Variants in GNAI1 observed in about 807,000 individuals in gnomAD.
The protein encoded by GNAI1 is guanine nucleotide-binding protein G(i) subunit alpha-1.
A neutral mutation model predicts 38.9 loss-of-function variants in GNAI1; 11 were observed. That is an observed-to-expected ratio of 0.28 (90% CI 0.18 to 0.47). The LOEUF (loss-of-function observed/expected upper bound fraction) is 0.47, where lower values mean the gene tolerates loss of function less well. GNAI1 is among the 20% of genes least tolerant of loss of function. The probability of loss-of-function intolerance (pLI) is 0.99; values close to 1 mark genes in which losing one functional copy is unlikely to be tolerated. For synonymous variants in GNAI1, 166 were observed against 145.1 expected (o/e 1.14, Z -1.04); for missense variants, 317 against 436.9 (o/e 0.73, Z 2.45).
At chr7:80,137,960 C>A (rs897757992) in intron 1 of GNAI1, among the ~76,000 whole-genome samples, 1 of 152,100 alleles carries the variant, frequency 6.6e-6, no homozygotes, top group Non-Finnish European at 1.5e-5. Context: ...CCTTTTGGTT[C>A]TTTTTTGAAT....
At chr7:80,193,741 T>C (rs1169075826) in intron 3 of GNAI1, among the ~76,000 whole-genome samples, 3 of 152,200 alleles carry the variant, frequency 2.0e-5, no homozygotes, top group South Asian at 4.1e-4. Flanking sequence ...GACAGAGTAA[T>C]TTATATGTTC....
chr7:80,184,568 C>G (rs1314475949), intron 1 of GNAI1, among the ~76,000 whole-genome samples: 3 of 152,204 alleles, frequency 2.0e-5, no homozygotes, highest in African/African-American at 7.2e-5. Context: ...AATGTGCATG[C>G]TTGAGCTCAC....
chr7:80,153,521 T>C (rs1428120881), intron 1 of GNAI1, among the ~76,000 whole-genome samples: 1 of 152,196 alleles, frequency 6.6e-6, no homozygotes, highest in Non-Finnish European at 1.5e-5. Flanking sequence ...AGGTGGTTAA[T>C]AAGACACAGG....
At chr7:80,190,425 A>T (rs546908018) in intron 3 of GNAI1, among the ~76,000 whole-genome samples, 1 of 152,100 alleles carries the variant, frequency 6.6e-6, no homozygotes, top group Non-Finnish European at 1.5e-5. Context: ...TTTGAGCTCA[A>T]AAAGCATTTG....
At chr7:80,217,219 T>TTCATATGTATGAAACTGACTTCAGTG in intron 7 of GNAI1, 84 bp from the exon 8 acceptor site, 3 of 891,758 alleles carry the variant, frequency 3.4e-6, no homozygotes, top group African/African-American at 1.7e-5. Flanking sequence ...TGACTTCAGT[T>TTCATATGTATGAAACTGACTTCAGTG]TCATATGTAT....
At position 80,212,933 on chromosome 7, in the gene GNAI1, G is replaced by A. The variant is rs577226300; in HGVS notation, c.874+64G>A. Reference sequence around the variant, plus strand: ...ATTTCTAAGTGAAACTTCCCCTAAGGCAAGAATTCAGTTGTTAATTTAAAT... The same window carrying A: ...ATTTCTAAGTGAAACTTCCCCTAAGACAAGAATTCAGTTGTTAATTTAAAT... On this transcript the variant is annotated intron_variant, in intron 7 of 7. Coordinates refer to ENST00000649796, the MANE Select transcript of GNAI1 (RefSeq NM_002069.6). The A allele has an allele frequency of 4.7e-6, 5 of 1,067,594 alleles. No individual in the cohort carries two copies. The South Asian group carries it at 7.9e-5, about 17-fold the overall frequency. 66.1% of individuals were successfully genotyped at this position (1,067,594 alleles called of 1,614,324 possible).
intron 1 of GNAI1, among the ~76,000 whole-genome samples, chr7:80,166,770 G>A (rs1788016177): frequency 6.6e-6 from 1 of 152,208 alleles, no homozygotes; most frequent in Admixed American, 6.5e-5. Flanking sequence ...GATTGGGGAT[G>A]AAATGTTACA....
intron 3 of GNAI1, 74 bp from the exon 4 acceptor site, chr7:80,199,151 T>C: frequency 9.6e-7 from 1 of 1,036,716 alleles, no homozygotes; most frequent in Non-Finnish European, 1.4e-6. Flanking sequence ...TTTTTAACTC[T>C]AGAATTGTCT....
intron 1 of GNAI1, among the ~76,000 whole-genome samples, chr7:80,173,702 G>A (rs1279381468): frequency 6.6e-6 from 1 of 152,130 alleles, no homozygotes; most frequent in Non-Finnish European, 1.5e-5. Flanking sequence ...CAGAGGTGAT[G>A]GCTTCCTGGT....
intron 1 of GNAI1, among the ~76,000 whole-genome samples, chr7:80,148,638 A>C (rs1008976137): frequency 6.6e-6 from 1 of 152,164 alleles, no homozygotes; most frequent in Admixed American, 6.5e-5. Context: ...AATAATTTCT[A>C]GAATGGGTTC....
chr7:80,201,439 G>T (rs1020834964), intron 4 of GNAI1, among the ~76,000 whole-genome samples: 1 of 152,138 alleles, frequency 6.6e-6, no homozygotes, highest in African/African-American at 2.4e-5. Context: ...AACATAGGCC[G>T]GGCATTGGTG....
intron 1 of GNAI1, among the ~76,000 whole-genome samples, chr7:80,174,305 AT>A (rs1228510176): frequency 1.3e-5 from 2 of 151,988 alleles, no homozygotes; most frequent in Non-Finnish European, 2.9e-5. Flanking sequence ...CTGAGTTTTA[AT>A]TTTTTTAAAT....
chr7:80,143,948 G>C (rs1787574057), intron 1 of GNAI1, among the ~76,000 whole-genome samples: 1 of 151,452 alleles, frequency 6.6e-6, no homozygotes, highest in Admixed American at 6.6e-5. Flanking sequence ...CTATATGTGT[G>C]CATATATGTG....
intron 4 of GNAI1, among the ~76,000 whole-genome samples, chr7:80,202,033 G>T (rs2115678354): frequency 6.6e-6 from 1 of 152,154 alleles, no homozygotes; most frequent in East Asian, 1.9e-4. Flanking sequence ...TTGTCTTATT[G>T]AAATACTATT....
intron 3 of GNAI1, among the ~76,000 whole-genome samples, chr7:80,196,655 G>A (rs926045898): frequency 8.6e-5 from 13 of 151,836 alleles, no homozygotes; most frequent in African/African-American, 2.9e-4. Context: ...CCTTGGGTTC[G>A]TTTTATACAG....
chr7:80,144,931 C>A (rs555355018), intron 1 of GNAI1, among the ~76,000 whole-genome samples: 1 of 152,144 alleles, frequency 6.6e-6, no homozygotes, highest in African/African-American at 2.4e-5. Flanking sequence ...TATTTTGTTA[C>A]TGTAAAAAGT....
chr7:80,142,175 C>A (rs1424009297), intron 1 of GNAI1, among the ~76,000 whole-genome samples: 3 of 152,038 alleles, frequency 2.0e-5, no homozygotes, highest in Admixed American at 6.6e-5. Flanking sequence ...CTGCCCATTG[C>A]CCATTTCTGC....
At position 80,220,085 on chromosome 7, in the gene GNAI1, C is replaced by G. The variant is rs1428290158; in HGVS notation, c.*2592C>G. Reference sequence around the variant, plus strand: ...ACTGTGGCCCTATCACCTTCTATTCCTTGATCTGCATTGGCTCTGATTTGT... The same window carrying G: ...ACTGTGGCCCTATCACCTTCTATTCGTTGATCTGCATTGGCTCTGATTTGT... On this transcript the variant is annotated 3_prime_UTR_variant, in exon 8 of 8. Transcript: ENST00000649796. Among the ~76,000 whole-genome samples, 1 of 152,126 alleles carries G rather than the reference C, an allele frequency of 6.6e-6. No homozygotes were observed. The highest frequency in any genetic ancestry group is 1.5e-5 in the Non-Finnish European group (1 of 68,044).
intron 1 of GNAI1, among the ~76,000 whole-genome samples, chr7:80,162,594 GA>G (rs1360700946): frequency 6.6e-6 from 1 of 152,162 alleles, no homozygotes; most frequent in African/African-American, 2.4e-5. Context: ...TATTTTCGAA[GA>G]GAAAGTTGTT....
Sources: gnomAD v4.1 joint callset for allele counts (sites outside exome capture counted in the v4.1 genomes callset) on GRCh38, gnomAD v4.1.1 for gene constraint, MANE v1.5 for transcripts, NCBI Gene and HGNC (gene_info 2026-07-23, HGNC 2026-07-21) for gene names.